Variants in SINHCAF observed in about 807,000 individuals in gnomAD.
SINHCAF encodes the protein SIN3-HDAC complex-associated factor.
Under a neutral mutation model 25.8 loss-of-function variants are expected in SINHCAF, and 3 were observed. The observed-to-expected ratio is 0.12, with a 90% confidence interval of 0.05 to 0.30. The LOEUF is 0.30. Among genes scored for constraint, SINHCAF ranks in the 10% least tolerant of loss-of-function variants. SINHCAF has a pLI of 1.00. For synonymous variants in SINHCAF, 70 were observed against 85.5 expected (o/e 0.82, Z 1.00); for missense variants, 121 against 262.3 (o/e 0.46, Z 3.72).
chr12:31,322,357 C>T (rs1436252137), intron 1 of SINHCAF, among the ~76,000 whole-genome samples: 1 of 152,208 alleles, frequency 6.6e-6, no homozygotes, highest in African/African-American at 2.4e-5. Context: ...ACAATCTCAG[C>T]GTATTTGCAA....
intron 5 of SINHCAF, among the ~76,000 whole-genome samples, chr12:31,283,855 T>C (rs1036604767): frequency 2.8e-5 from 4 of 140,478 alleles, no homozygotes; most frequent in East Asian, 2.1e-4. Flanking sequence ...AGTTATCCAT[T>C]ACACACACAC....
chr12:31,294,374 T>C (rs145420934), intron 3 of SINHCAF, among the ~76,000 whole-genome samples: 32 of 152,316 alleles, frequency 2.1e-4, no homozygotes, highest in African/African-American at 7.5e-4. Flanking sequence ...CAAAGATAAA[T>C]TATGCATTTT....
intron 1 of SINHCAF, among the ~76,000 whole-genome samples, chr12:31,300,895 C>T (rs1938763735): frequency 6.6e-6 from 1 of 152,198 alleles, no homozygotes; most frequent in Non-Finnish European, 1.5e-5. Flanking sequence ...AGCCTCCCTT[C>T]TCAGCAAGGA....
rs529030660 is a variant in SINHCAF at position 31,324,091 on chromosome 12, G to A, written c.-21+1933C>T. ...AAGTTCCTGCGGGGGCCGCTCGCCGGGGCGAGGGCGAGGGCAGCGGGAGGT... is the reference window on the plus strand; with the variant it reads ...AAGTTCCTGCGGGGGCCGCTCGCCGAGGCGAGGGCGAGGGCAGCGGGAGGT... On this transcript the variant is annotated intron_variant, in intron 1 of 5. Coordinates refer to ENST00000337682, the MANE Select transcript of SINHCAF (RefSeq NM_001135812.2). This position sits in a 1 kb window ranked among gnomAD's most constrained non-coding sequence, Gnocchi z 5.5. 10 of 453,638 alleles carry A rather than the reference G, an allele frequency of 2.2e-5. No homozygotes were observed. In the Admixed American group the frequency reaches 2.4e-4, roughly 11 times the overall value. The allele number at this position is 453,638 out of a possible 1,614,324, so 28.1% of individuals were successfully genotyped here.
At chr12:31,287,077 T>C (rs944230294) in intron 5 of SINHCAF, among the ~76,000 whole-genome samples, 7 of 152,218 alleles carry the variant, frequency 4.6e-5, no homozygotes, top group Non-Finnish European at 8.8e-5. Context: ...CCATCACACC[T>C]GGCCTGAATC....
rs1442693567 is a variant in SINHCAF, at chr12:31,281,536, G to A, written c.*1176C>T. ...TTTTCAATGAAGTCACAGAAGTCAT[G>A]TAACACAAACAAAAGTCGATTATAT... On this transcript the variant is annotated 3_prime_UTR_variant, in exon 6 of 6. Coordinates refer to ENST00000337682, the MANE Select transcript of SINHCAF (RefSeq NM_001135812.2). 6.6e-6 allele frequency: 1 copy of A among 152,202 alleles called. No homozygotes were observed. Among genetic ancestry groups the A allele is most frequent in the East Asian group, 1.9e-4 (1 of 5,200 alleles). 9.4% of individuals were successfully genotyped at this position (152,202 alleles called of 1,614,324 possible).
intron 1 of SINHCAF, among the ~76,000 whole-genome samples, chr12:31,316,108 T>C (rs758532255): frequency 6.6e-6 from 1 of 152,018 alleles, no homozygotes; most frequent in Non-Finnish European, 1.5e-5. Context: ...AGGCAGAGTA[T>C]GCAGTGAGCC....
intron 1 of SINHCAF, among the ~76,000 whole-genome samples, chr12:31,312,356 T>TTGTG (rs369449635): frequency 2.6e-4 from 39 of 149,726 alleles, no homozygotes; most frequent in Admixed American, 4.6e-4. Flanking sequence ...TTTACGTATT[T>TTGTG]TGTGTGTGTG....
chr12:31,312,970 G>A (rs1207466492), intron 1 of SINHCAF, among the ~76,000 whole-genome samples: 2 of 152,088 alleles, frequency 1.3e-5, no homozygotes, highest in Non-Finnish European at 2.9e-5. Context: ...ATTCTTCCCT[G>A]GCCCTCTTCC....
In SINHCAF at chr12:31,316,106, T is replaced by C. The variant is rs1939486023; in HGVS notation, c.-21+9918A>G. On this transcript the variant is annotated intron_variant, in intron 1 of 5. Transcript: ENST00000337682. ...AATTGCTTGAACCCGGGAGGCAGAG[T>C]ATGCAGTGAGCCGAGATTGTGCCAC... 2.0e-5 allele frequency among the ~76,000 whole-genome samples: 3 copies of C among 151,398 alleles called. No homozygotes were observed. In the South Asian group the frequency reaches 6.3e-4, roughly 32 times the overall value.
Position 31,294,071 on chromosome 12 carries a change from C to T in SINHCAF, c.229-140G>A, listed in dbSNP as rs1226824303. ...GCTCCATGTGCACCTTTAATCATCA[C>T]ATGACATAAGGGAATAAATAATATT... is the stretch of plus-strand genomic sequence containing the variant. On this transcript the variant is annotated intron_variant, in intron 3 of 5. Transcript: ENST00000337682. 5.2e-6 allele frequency: 3 copies of T among 576,340 alleles called. No individual in the cohort carries two copies. The African/African-American group carries it at 5.8e-5, about 11-fold the overall frequency. 35.7% of individuals were successfully genotyped at this position (576,340 alleles called of 1,614,324 possible). A position where few individuals can be genotyped will look rare whatever the true frequency, so the allele number is the denominator to read the frequency against.
At chr12:31,292,457 C>T (rs1352582523) in intron 4 of SINHCAF, among the ~76,000 whole-genome samples, 1 of 151,598 alleles carries the variant, frequency 6.6e-6, no homozygotes, top group Non-Finnish European at 1.5e-5. Context: ...CAAGATCACA[C>T]CACTGTACTC....
At chr12:31,307,754 A>C (rs1233041989) in intron 1 of SINHCAF, among the ~76,000 whole-genome samples, 1 of 152,176 alleles carries the variant, frequency 6.6e-6, no homozygotes, top group Non-Finnish European at 1.5e-5. Flanking sequence ...TATCTCTCCA[A>C]CAGTTTTATA....
At chr12:31,286,093 T>C (rs149575694) in intron 5 of SINHCAF, among the ~76,000 whole-genome samples, 1 of 152,282 alleles carries the variant, frequency 6.6e-6, no homozygotes, top group East Asian at 1.9e-4. Context: ...ACTACCAATA[T>C]TGTATTGGTT....
chr12:31,295,453 C>T (rs949323814), intron 2 of SINHCAF, 120 bp from the exon 3 acceptor site: 28 of 656,270 alleles, frequency 4.3e-5, no homozygotes, highest in Non-Finnish European at 6.8e-5. Flanking sequence ...ATTTAATCAT[C>T]CTGGATGATC....
intron 1 of SINHCAF, among the ~76,000 whole-genome samples, chr12:31,318,527 A>C (rs1939580619): frequency 6.6e-6 from 1 of 152,214 alleles, no homozygotes; most frequent in Admixed American, 6.5e-5. Context: ...TATAGGAAAG[A>C]GGTCAAACTC....
Position 31,282,672 on chromosome 12 carries a change from ATATT to A in SINHCAF, c.*36_*39del. 6.8e-7 allele frequency: 1 copy of A among 1,471,032 alleles called. No homozygotes were observed. Among genetic ancestry groups the A allele is most frequent in the Non-Finnish European group, 9.1e-7 (1 of 1,100,578 alleles). The allele number at this position is 1,471,032 out of a possible 1,614,324, so 91.1% of individuals were successfully genotyped here. A position where few individuals can be genotyped will look rare whatever the true frequency, so the allele number is the denominator to read the frequency against. On this transcript the variant is annotated 3_prime_UTR_variant, in exon 6 of 6. Transcript: ENST00000337682. Reference sequence around the variant, plus strand: ...AGCTTTGTGGTTTTTCAAAATTCAGATATTTTTTTTTTTGTTCCCCTTCTACATA... The same window carrying A: ...AGCTTTGTGGTTTTTCAAAATTCAGATTTTTTTTTGTTCCCCTTCTACATA...
chr12:31,284,795 A>G (rs369571700), intron 5 of SINHCAF, among the ~76,000 whole-genome samples: 3 of 152,228 alleles, frequency 2.0e-5, no homozygotes, highest in African/African-American at 7.2e-5. Context: ...TCTCTATACT[A>G]TTCCATTGGT....
chr12:31,322,015 C>T (rs1265294876), intron 1 of SINHCAF, among the ~76,000 whole-genome samples: 1 of 152,000 alleles, frequency 6.6e-6, no homozygotes, highest in African/African-American at 2.4e-5. Context: ...ATTGACCATT[C>T]AGGTTCCAGA....
Sources: gnomAD v4.1 joint callset for allele counts (sites outside exome capture counted in the v4.1 genomes callset) on GRCh38, gnomAD v4.1.1 for gene constraint, Gnocchi (gnomAD v3.1) non-coding constraint, MANE v1.5 for transcripts, NCBI Gene and HGNC (gene_info 2026-07-23, HGNC 2026-07-21) for gene names.